The following FAM20A variants were observed in gnomAD, a reference collection of about 807,000 sequenced individuals.
The protein encoded by FAM20A is FAM20A golgi associated secretory pathway pseudokinase, also known as pseudokinase FAM20A.
Under a neutral mutation model 52.0 loss-of-function variants are expected in FAM20A, and 42 were observed. The observed-to-expected ratio is 0.81, with a 90% CI of 0.63 to 1.04. FAM20A has a LOEUF of 1.04. Ranked by LOEUF, FAM20A falls within the 50% of genes least tolerant of loss-of-function variation. The probability of loss-of-function intolerance (pLI) is 0.00; values close to 1 mark genes in which losing one functional copy is unlikely to be tolerated. For synonymous variants in FAM20A, 304 were observed against 298.9 expected (o/e 1.02, Z -0.18); for missense variants, 742 against 712.7 (o/e 1.04, Z -0.47).
chr17:68,593,787 A>G (rs1337072771), intron 1 of FAM20A, among the ~76,000 whole-genome samples: 9 of 152,236 alleles, frequency 5.9e-5, no homozygotes, highest in African/African-American at 2.2e-4. Context: ...GCAAGTGACC[A>G]TTCCTTCTCA....
chr17:68,554,650 T>A lies in FAM20A; in HGVS notation c.640+127A>T, dbSNP rs1600578274. On this transcript the variant is annotated intron_variant, in intron 3 of 10. Coordinates refer to ENST00000592554, the MANE Select transcript of FAM20A (RefSeq NM_017565.4). ...GGGTGGATGGGGAGAAACGTTGAGT[T>A]CTCAGAGGTTAGGCAGAGAGCCATG... 4.4e-6 allele frequency: 4 copies of A among 904,386 alleles called. No individual in the cohort carries two copies. The East Asian group carries it at 1.0e-4, about 23-fold the overall frequency. 56.0% of individuals were successfully genotyped at this position (904,386 alleles called of 1,614,324 possible).
chr17:68,591,197 C>T (rs2088296838), intron 1 of FAM20A, among the ~76,000 whole-genome samples: 1 of 151,972 alleles, frequency 6.6e-6, no homozygotes, highest in East Asian at 1.9e-4. Flanking sequence ...AGCTCCACCT[C>T]CTGGGTTCAC....
chr17:68,542,276 C>CG (rs2086335438), intron 6 of FAM20A, 111 bp from the exon 7 acceptor site: 2 of 1,184,332 alleles, frequency 1.7e-6, no homozygotes, highest in Admixed American at 4.0e-5. Flanking sequence ...ACTCACAGCT[C>CG]GGGAAGAGAA....
rs1270475754 is a variant in FAM20A at position 68,536,083 on chromosome 17, C to T, written c.*1394G>A. 1 of 453,988 alleles carries T rather than the reference C, an allele frequency of 2.2e-6. No homozygotes were observed. Among genetic ancestry groups the T allele is most frequent in the African/African-American group, 2.0e-5 (1 of 50,004 alleles). The allele number at this position is 453,988 out of a possible 1,614,324, so 28.1% of individuals were successfully genotyped here. On this transcript the variant is annotated 3_prime_UTR_variant, in exon 11 of 11. Coordinates refer to ENST00000592554, the MANE Select transcript of FAM20A (RefSeq NM_017565.4). ...GTGAATGGTAGTGATTTTAGAGAGA[C>T]ACAAAGTCCAGGGGCAGCATACCAG...
chr17:68,575,950 A>G (rs2087755633), intron 1 of FAM20A, among the ~76,000 whole-genome samples: 1 of 151,186 alleles, frequency 6.6e-6, no homozygotes, highest in Non-Finnish European at 1.5e-5. Context: ...CTTGCCCAGG[A>G]GCTAACCCTG....
At chr17:68,573,866 CAG>C (rs1355793208) in intron 1 of FAM20A, among the ~76,000 whole-genome samples, 1 of 151,780 alleles carries the variant, frequency 6.6e-6, no homozygotes, top group Non-Finnish European at 1.5e-5. Flanking sequence ...TTAGTAGACA[CAG>C]AGTTTCACCA....
Position 68,578,760 on chromosome 17 carries a change from G to A in FAM20A, c.404+21503C>T, listed in dbSNP as rs927645392. Among the ~76,000 whole-genome samples the A allele has an allele frequency of 8.0e-5, 12 of 149,206 alleles. No individual in the cohort carries two copies. The East Asian group carries it at 1.2e-3, about 15-fold the overall frequency. Reference sequence around the variant, plus strand: ...TGTAATCCCAGCACTTTGGGAGGCCGAGGCAGGCGGATCACAAGGTCAAGA... The same window carrying A: ...TGTAATCCCAGCACTTTGGGAGGCCAAGGCAGGCGGATCACAAGGTCAAGA... On this transcript the variant is annotated intron_variant, in intron 1 of 10. Coordinates refer to ENST00000592554, the MANE Select transcript of FAM20A (RefSeq NM_017565.4).
rs2086068220 is a variant in FAM20A, at chr17:68,535,263, G to T, written c.*2214C>A. ...TGTTACTAATCAAAAAGTAATGGAA[G>T]GTTGAAAGATAAGTGAATAATAAGG... On this transcript the variant is annotated 3_prime_UTR_variant, in exon 11 of 11. Coordinates refer to ENST00000592554, the MANE Select transcript of FAM20A (RefSeq NM_017565.4). 1 of 453,292 alleles carries T rather than the reference G, an allele frequency of 2.2e-6. No individual in the cohort carries two copies. 28.1% of individuals were successfully genotyped at this position (453,292 alleles called of 1,614,324 possible).
At chr17:68,556,931 T>C (rs1395205505) in intron 1 of FAM20A, among the ~76,000 whole-genome samples, 1 of 152,106 alleles carries the variant, frequency 6.6e-6, no homozygotes, top group Non-Finnish European at 1.5e-5. Flanking sequence ...AATTTTCTCA[T>C]TGGTGGAGAG....
At chr17:68,567,891 C>A (rs1157824916) in intron 1 of FAM20A, among the ~76,000 whole-genome samples, 1 of 151,920 alleles carries the variant, frequency 6.6e-6, no homozygotes, top group Admixed American at 6.5e-5. Context: ...CTCGCTCCCT[C>A]CTGCCACCTT....
intron 8 of FAM20A, 138 bp from the exon 9 acceptor site, chr17:68,540,104 C>T (rs1048580703): frequency 2.7e-6 from 2 of 750,358 alleles, no homozygotes; most frequent in Non-Finnish European, 4.7e-6. Flanking sequence ...CTCACACTGT[C>T]ATTTCCTCAG....
intron 1 of FAM20A, among the ~76,000 whole-genome samples, chr17:68,582,780 A>ATTTTTTTT (rs34025800): frequency 1.0e-4 from 8 of 79,810 alleles, no homozygotes; most frequent in East Asian, 4.2e-4. Context: ...GCCAGGATTA[A>ATTTTTTTT]TTTTTTTTTT....
At chr17:68,538,418 A>G (rs2086158560) in intron 10 of FAM20A, among the ~76,000 whole-genome samples, 1 of 152,254 alleles carries the variant, frequency 6.6e-6, no homozygotes, top group Admixed American at 6.5e-5. Context: ...CTCTACTCCG[A>G]GTTTTCCAGC....
intron 1 of FAM20A, among the ~76,000 whole-genome samples, chr17:68,581,172 C>T (rs955161217): frequency 2.0e-5 from 3 of 152,108 alleles, no homozygotes; most frequent in Non-Finnish European, 4.4e-5. Flanking sequence ...AATTCTGCCT[C>T]GATAATCTCT....
intron 1 of FAM20A, among the ~76,000 whole-genome samples, chr17:68,589,349 A>G (rs926607354): frequency 1.3e-5 from 2 of 152,262 alleles, no homozygotes; most frequent in Non-Finnish European, 2.9e-5. Flanking sequence ...GAACCCAGCC[A>G]GAAGTGCTGA....
chr17:68,547,377 T>C (rs886560568), intron 4 of FAM20A, among the ~76,000 whole-genome samples: 1 of 152,242 alleles, frequency 6.6e-6, no homozygotes, highest in Non-Finnish European at 1.5e-5. Flanking sequence ...AAGTCAGGCA[T>C]TGACTTTTCT....
intron 1 of FAM20A, among the ~76,000 whole-genome samples, chr17:68,566,337 C>T (rs919622002): frequency 6.6e-6 from 1 of 152,214 alleles, no homozygotes; most frequent in Middle Eastern, 3.2e-3. Context: ...ACCTTGTGCA[C>T]AGAAGGTACT....
intron 1 of FAM20A, among the ~76,000 whole-genome samples, chr17:68,580,780 A>C (rs899595069): frequency 1.3e-5 from 2 of 152,180 alleles, no homozygotes; most frequent in South Asian, 4.1e-4. Flanking sequence ...GGGGCCAGGC[A>C]GTTTTAAGCA....
chr17:68,549,608 T>C (rs1258058106), intron 4 of FAM20A, among the ~76,000 whole-genome samples: 1 of 152,224 alleles, frequency 6.6e-6, no homozygotes, highest in African/African-American at 2.4e-5. Flanking sequence ...ATCATTACTT[T>C]TATGCTTCTC....
Sources: gnomAD v4.1 joint callset for allele counts (sites outside exome capture counted in the v4.1 genomes callset) on GRCh38, gnomAD v4.1.1 for gene constraint, MANE v1.5 for transcripts, NCBI Gene and HGNC (gene_info 2026-07-23, HGNC 2026-07-21) for gene names.